The following NCKAP5 variants were observed in gnomAD, a reference collection of about 807,000 sequenced individuals.
The protein encoded by NCKAP5 is nck-associated protein 5.
NCKAP5 carries 92 observed loss-of-function variants against 167.0 expected under a neutral mutation model. The observed-to-expected ratio is 0.55, with a 90% confidence interval of 0.47 to 0.66. The LOEUF is 0.66. Among genes scored for constraint, NCKAP5 ranks in the 30% least tolerant of loss-of-function variants. The pLI is 0.00. For synonymous variants in NCKAP5, 891 were observed against 877.4 expected (o/e 1.02, Z -0.27); for missense variants, 2,378 against 2,315.0 (o/e 1.03, Z -0.56).
the NCKAP5 span, among the ~76,000 whole-genome samples, chr2:133,644,133 G>A: frequency 6.6e-6 from 1 of 152,204 alleles, no homozygotes; most frequent in Admixed American, 6.5e-5. Flanking sequence ...GGGTATGTCT[G>A]TGAGGATGTT....
chr2:133,494,613 C>T (rs1417048979), intron 3 of NCKAP5, among the ~76,000 whole-genome samples: 3 of 152,092 alleles, frequency 2.0e-5, no homozygotes, highest in African/African-American at 7.2e-5. Flanking sequence ...TGAGAAGGTG[C>T]GGTCAGACAT....
At chr2:133,538,333 T>C (rs1291113627) in intron 2 of NCKAP5, among the ~76,000 whole-genome samples, 1 of 152,176 alleles carries the variant, frequency 6.6e-6, no homozygotes, top group Non-Finnish European at 1.5e-5. Flanking sequence ...GGTGAGTGGC[T>C]CTTAAAAACT....
chr2:132,782,506 G>A lies in NCKAP5; in HGVS notation c.4305C>T (p.Ser1435=). Residue 1435 remains serine, a synonymous_variant, in exon 14 of 20, where the codon AGC becomes AGT. Transcript: ENST00000409261. ...TGGATGTACTGCTTGTTTCAAAAGT[G>A]CTTGGATGCTGAGTCCTCCCTGGGC... The part of the protein sequence containing the change: ...LQSPGRTQHP[S]TFETSSTSKL... 1.2e-6 allele frequency: 2 copies of A among 1,605,778 alleles called. No homozygotes were observed. Among genetic ancestry groups the A allele is most frequent in the Non-Finnish European group, 1.7e-6 (2 of 1,176,274 alleles).
intron 8 of NCKAP5, among the ~76,000 whole-genome samples, chr2:132,927,617 G>A (rs1201461568): frequency 3.3e-5 from 5 of 151,842 alleles, no homozygotes; most frequent in African/African-American, 4.8e-5. Context: ...TCTTTTGTTT[G>A]TTTTGTTTTT....
chr2:132,794,288 AGAGAGAGAGAGAGAGAGAGG>A (rs1684372222), intron 12 of NCKAP5, among the ~76,000 whole-genome samples: 1 of 120,208 alleles, frequency 8.3e-6, no homozygotes, highest in East Asian at 2.3e-4. Context: ...AGAGAGAGAG[AGAGAGAGAGAGAGAGAGAGG>A]GTGGCGGGAA....
At chr2:133,154,362 G>A (rs2083496105) in intron 5 of NCKAP5, among the ~76,000 whole-genome samples, 1 of 152,162 alleles carries the variant, frequency 6.6e-6, no homozygotes, top group African/African-American at 2.4e-5. Flanking sequence ...ATGTCTTAAA[G>A]CCACCTCTGG....
intron 13 of NCKAP5, among the ~76,000 whole-genome samples, chr2:132,787,647 C>T (rs991993403): frequency 6.6e-6 from 1 of 152,064 alleles, no homozygotes; most frequent in African/African-American, 2.4e-5. Context: ...GGAAATTCTC[C>T]ACCGTCAGAA....
chr2:133,252,662 G>A (rs1574502938), intron 4 of NCKAP5, among the ~76,000 whole-genome samples: 1 of 152,164 alleles, frequency 6.6e-6, no homozygotes. Flanking sequence ...GCCCCTGGGG[G>A]TCTGAGCCCC....
At chr2:133,063,260 C>T (rs543862512) in intron 6 of NCKAP5, among the ~76,000 whole-genome samples, 1 of 152,152 alleles carries the variant, frequency 6.6e-6, no homozygotes, top group Non-Finnish European at 1.5e-5. Context: ...GACATGATTC[C>T]AAACACCACA....
At chr2:133,130,333 T>C (rs1187270235) in intron 5 of NCKAP5, among the ~76,000 whole-genome samples, 3 of 152,136 alleles carry the variant, frequency 2.0e-5, no homozygotes, top group Admixed American at 6.6e-5. Flanking sequence ...CAGAAGGTAA[T>C]AGATCTTGAC....
intron 11 of NCKAP5, among the ~76,000 whole-genome samples, chr2:132,844,206 T>G (rs1466139403): frequency 6.6e-6 from 1 of 152,166 alleles, no homozygotes; most frequent in African/African-American, 2.4e-5. Context: ...CTCACATGTA[T>G]GCATATATTT....
At chr2:133,508,279 A>G (rs1191820400) in intron 3 of NCKAP5, among the ~76,000 whole-genome samples, 2 of 152,176 alleles carry the variant, frequency 1.3e-5, no homozygotes, top group South Asian at 4.1e-4. Flanking sequence ...GACACCATAG[A>G]TTAAATTTGG....
At chr2:133,517,424 C>T (rs543521944) in intron 3 of NCKAP5, 34 bp downstream of exon 3, 4 of 1,288,806 alleles carry the variant, frequency 3.1e-6, no homozygotes, top group African/African-American at 1.5e-5. Context: ...AAAGCCAAAA[C>T]ATATAGAGTG....
intron 2 of NCKAP5, chr2:133,527,248 A>G (rs1416467760): frequency 6.6e-6 from 1 of 152,154 alleles, no homozygotes; most frequent in Non-Finnish European, 1.5e-5. Flanking sequence ...TTGAAAATCC[A>G]GCAAAAGGTT....
At chr2:133,547,174 T>G (rs1686782650) in intron 2 of NCKAP5, among the ~76,000 whole-genome samples, 1 of 152,108 alleles carries the variant, frequency 6.6e-6, no homozygotes, top group Non-Finnish European at 1.5e-5. Flanking sequence ...TCGGACCGGC[T>G]TAAAAAACGG....
At chr2:133,331,888 C>T (rs1044169105) in intron 3 of NCKAP5, among the ~76,000 whole-genome samples, 5 of 152,190 alleles carry the variant, frequency 3.3e-5, no homozygotes, top group Admixed American at 3.3e-4. Context: ...GACAGTGACC[C>T]AGGCATGGAG....
chr2:133,599,890 A>T, the NCKAP5 span, among the ~76,000 whole-genome samples: 2 of 152,236 alleles, frequency 1.3e-5, no homozygotes, highest in Non-Finnish European at 2.9e-5. Flanking sequence ...GGAAGAATCC[A>T]ATCTGTTTAT....
chr2:133,498,117 A>G (rs1295579968), intron 3 of NCKAP5, among the ~76,000 whole-genome samples: 1 of 152,200 alleles, frequency 6.6e-6, no homozygotes, highest in Non-Finnish European at 1.5e-5. Flanking sequence ...GAGGAAAAAA[A>G]GATATCCATA....
At chr2:133,103,498 A>G (rs893285740) in intron 6 of NCKAP5, among the ~76,000 whole-genome samples, 2 of 152,206 alleles carry the variant, frequency 1.3e-5, no homozygotes, top group African/African-American at 4.8e-5. Context: ...GGCATTATTT[A>G]TATGGAAGCT....
Sources: allele counts gnomAD v4.1 joint callset (sites outside exome capture counted in the v4.1 genomes callset), GRCh38; gene constraint gnomAD v4.1.1; transcripts MANE v1.5; gene names NCBI Gene and HGNC (gene_info 2026-07-23, HGNC 2026-07-21).